TBC1D5: variants seen among roughly 807,000 people sequenced by gnomAD.
TBC1D5 encodes TBC1 domain family, member 5.
In TBC1D5, 75 loss-of-function variants were observed where a neutral mutation model predicts 100.3. That is an observed-to-expected ratio of 0.75 (90% CI 0.62 to 0.91). The LOEUF (loss-of-function observed/expected upper bound fraction) is 0.91. Among genes scored for constraint, TBC1D5 ranks in the 40% least tolerant of loss-of-function variants. The pLI, the probability that TBC1D5 is intolerant of heterozygous loss-of-function variation, is 0.00. For missense variants in TBC1D5, 910 were observed against 942.4 expected (o/e 0.97, Z 0.45); for synonymous variants, 323 against 325.6 (o/e 0.99, Z 0.09).
chr3:17,314,005 AGAAAGT>A (rs1014913961), intron 13 of TBC1D5, among the ~76,000 whole-genome samples: 2 of 152,108 alleles, frequency 1.3e-5, no homozygotes, highest in Non-Finnish European at 2.9e-5. Context: ...TTCCTGTTCC[AGAAAGT>A]GCCCTGACCC....
At chr3:17,638,262 A>G (rs918220779) in intron 1 of TBC1D5, among the ~76,000 whole-genome samples, 3 of 152,144 alleles carry the variant, frequency 2.0e-5, no homozygotes, top group Non-Finnish European at 4.4e-5. Flanking sequence ...TCAATTTTAG[A>G]ACATTTTTAT....
chr3:17,346,326 C>T (rs1352130936), intron 13 of TBC1D5, among the ~76,000 whole-genome samples: 1 of 152,062 alleles, frequency 6.6e-6, no homozygotes, highest in African/African-American at 2.4e-5. Flanking sequence ...CATACCCTTG[C>T]TTTAATTAGC....
chr3:17,217,931 T>C (rs2073847128), intron 17 of TBC1D5, among the ~76,000 whole-genome samples: 1 of 152,188 alleles, frequency 6.6e-6, no homozygotes. Context: ...AAGAAACTAC[T>C]GCCTAACCTG....
chr3:17,167,276 G>A (rs921982795), intron 20 of TBC1D5, among the ~76,000 whole-genome samples: 1 of 152,146 alleles, frequency 6.6e-6, no homozygotes, highest in African/African-American at 2.4e-5. Flanking sequence ...CACCTGAGCT[G>A]GACTGTTCAC....
At chr3:17,425,559 G>T (rs527583654) in intron 4 of TBC1D5, among the ~76,000 whole-genome samples, 1 of 152,276 alleles carries the variant, frequency 6.6e-6, no homozygotes, top group Admixed American at 6.5e-5. Context: ...AGGCCAGGTG[G>T]TTGAGGCTGC....
chr3:17,627,383 C>T (rs928663658), intron 1 of TBC1D5, among the ~76,000 whole-genome samples: 2 of 151,886 alleles, frequency 1.3e-5, no homozygotes, highest in African/African-American at 2.4e-5. Context: ...TCTGTGAATA[C>T]ATAATAGTTT....
intron 3 of TBC1D5, among the ~76,000 whole-genome samples, chr3:17,451,293 C>T (rs2094921982): frequency 6.6e-6 from 1 of 152,100 alleles, no homozygotes; most frequent in African/African-American, 2.4e-5. Context: ...ATGTAAAGAC[C>T]ATCAACACTA....
intron 3 of TBC1D5, among the ~76,000 whole-genome samples, chr3:17,493,275 C>G (rs2150591195): frequency 6.6e-6 from 1 of 151,346 alleles, no homozygotes; most frequent in African/African-American, 2.4e-5. Context: ...CCTCCAATCT[C>G]TTCCGGCTTG....
rs1048710035 is a variant in TBC1D5 at position 17,543,957 on chromosome 3, T to A, written c.-35-35352A>T. Reference sequence around the variant, plus strand: ...ATCTCGGCTCACTGCAACCTCCACCTCCCAGGTGCAAGCGATTCGCCTGCC... The same window carrying A: ...ATCTCGGCTCACTGCAACCTCCACCACCCAGGTGCAAGCGATTCGCCTGCC... On this transcript the variant is annotated intron_variant, in intron 2 of 21. Transcript: ENST00000253692. Among the ~76,000 whole-genome samples, 3 of 151,212 alleles carry A rather than the reference T, an allele frequency of 2.0e-5. No homozygotes were observed. In the East Asian group the frequency reaches 5.9e-4, roughly 30 times the overall value.
intron 1 of TBC1D5, among the ~76,000 whole-genome samples, chr3:17,634,817 A>G (rs938619566): frequency 6.6e-6 from 1 of 152,190 alleles, no homozygotes; most frequent in East Asian, 1.9e-4. Context: ...TTCCATGCCT[A>G]TATCAAAATA....
chr3:17,598,514 CT>C (rs1375477249), intron 2 of TBC1D5, among the ~76,000 whole-genome samples: 1 of 151,964 alleles, frequency 6.6e-6, no homozygotes, highest in Non-Finnish European at 1.5e-5. Context: ...TTTCAGAGTT[CT>C]TTTTTTTAAA....
chr3:17,331,472 A>G (rs189949927), intron 13 of TBC1D5, among the ~76,000 whole-genome samples: 14 of 152,314 alleles, frequency 9.2e-5, no homozygotes, highest in African/African-American at 3.4e-4. Context: ...ATAGAAATAC[A>G]CTATACAATG....
intron 13 of TBC1D5, among the ~76,000 whole-genome samples, chr3:17,332,251 A>G (rs1398606450): frequency 2.0e-5 from 3 of 152,186 alleles, no homozygotes; most frequent in African/African-American, 7.2e-5. Context: ...TTTACAGGAG[A>G]TGAAAGGGAA....
intron 3 of TBC1D5, among the ~76,000 whole-genome samples, chr3:17,449,160 G>A (rs1442120749): frequency 6.6e-6 from 1 of 152,172 alleles, no homozygotes; most frequent in Non-Finnish European, 1.5e-5. Flanking sequence ...CCCTAGCTAA[G>A]GGAAGCCATG....
intron 3 of TBC1D5, among the ~76,000 whole-genome samples, chr3:17,471,078 C>A (rs2095367355): frequency 6.6e-6 from 1 of 152,190 alleles, no homozygotes; most frequent in South Asian, 2.1e-4. Context: ...AGCACTATCA[C>A]TCCAGTGAGA....
intron 15 of TBC1D5, among the ~76,000 whole-genome samples, chr3:17,275,792 CTG>C (rs757112075): frequency 2.0e-4 from 31 of 152,236 alleles, no homozygotes; most frequent in Non-Finnish European, 3.7e-4. Flanking sequence ...AGGTAATGGA[CTG>C]TGTAATTTCC....
chr3:17,394,589 A>C (rs1327621184), intron 8 of TBC1D5, among the ~76,000 whole-genome samples: 1 of 152,158 alleles, frequency 6.6e-6, no homozygotes, highest in East Asian at 1.9e-4. Context: ...ATAAAAACAG[A>C]CATCTTACAG....
intron 13 of TBC1D5, among the ~76,000 whole-genome samples, chr3:17,342,039 C>T (rs1208409392): frequency 6.6e-6 from 1 of 152,150 alleles, no homozygotes; most frequent in East Asian, 1.9e-4. Flanking sequence ...CTCCCTGCTG[C>T]CATCTTATTT....
At chr3:17,321,337 A>T (rs1182387925) in intron 13 of TBC1D5, among the ~76,000 whole-genome samples, 1 of 152,240 alleles carries the variant, frequency 6.6e-6, no homozygotes, top group Non-Finnish European at 1.5e-5. Context: ...GTATGCCACT[A>T]GGCTCAGTCC....
Sources: gnomAD v4.1 joint callset for allele counts (sites outside exome capture counted in the v4.1 genomes callset) on GRCh38, gnomAD v4.1.1 for gene constraint, MANE v1.5 for transcripts, NCBI Gene and HGNC (gene_info 2026-07-23, HGNC 2026-07-21) for gene names.